Variants in NAV2 observed in about 807,000 individuals in gnomAD.
The protein encoded by NAV2 is helicase, APC down-regulated 1.
NAV2 carries 54 observed loss-of-function variants against 223.2 expected under a neutral mutation model. That is an observed-to-expected ratio of 0.24 (90% confidence interval 0.19 to 0.30). The LOEUF is 0.30. NAV2 is among the 10% of genes least tolerant of loss of function. The pLI is 1.00. For synonymous variants in NAV2, 1,279 were observed against 1,239.3 expected (o/e 1.03, Z -0.67); for missense variants, 2,806 against 3,147.5 (o/e 0.89, Z 2.60).
At chr11:19,774,446 G>T (rs1328894953) in intron 1 of NAV2, among the ~76,000 whole-genome samples, 1 of 152,198 alleles carries the variant, frequency 6.6e-6, no homozygotes, top group African/African-American at 2.4e-5. Context: ...CAAAGTGCTA[G>T]GATTACAGGT....
chr11:20,069,978 G>A (rs1465356128), intron 22 of NAV2, among the ~76,000 whole-genome samples: 1 of 152,106 alleles, frequency 6.6e-6, no homozygotes, highest in East Asian at 1.9e-4. Flanking sequence ...AGTCTCCTAA[G>A]TTCTCTTTCT....
chr11:19,400,649 G>A (rs1204319090), intron 1 of NAV2, among the ~76,000 whole-genome samples: 4 of 152,142 alleles, frequency 2.6e-5, no homozygotes, highest in Admixed American at 6.5e-5. Context: ...TAGAAGGTAA[G>A]AATTAGAATT....
intron 1 of NAV2, among the ~76,000 whole-genome samples, chr11:19,585,701 A>C (rs912318588): frequency 2.6e-5 from 4 of 152,186 alleles, no homozygotes; most frequent in African/African-American, 4.8e-5. Flanking sequence ...ATGTTGAATA[A>C]TTGGCCCCCA....
At chr11:19,498,335 G>A (rs2042862816) in intron 1 of NAV2, among the ~76,000 whole-genome samples, 1 of 152,240 alleles carries the variant, frequency 6.6e-6, no homozygotes, top group African/African-American at 2.4e-5. Context: ...GGAGGGCACA[G>A]TCTTTAGAAA....
intron 10 of NAV2, among the ~76,000 whole-genome samples, chr11:19,957,019 A>T (rs1319082480): frequency 6.6e-6 from 1 of 152,202 alleles, no homozygotes; most frequent in Non-Finnish European, 1.5e-5. Flanking sequence ...AGAAATTCCA[A>T]AGACTTAGGA....
intron 10 of NAV2, among the ~76,000 whole-genome samples, chr11:19,952,151 A>G (rs1011148223): frequency 6.6e-6 from 1 of 152,238 alleles, no homozygotes; most frequent in African/African-American, 2.4e-5. Context: ...TCTTCCTATA[A>G]ACTGGCAAGG....
At chr11:19,505,126 G>A (rs1482989321) in intron 1 of NAV2, 1 of 152,254 alleles carries the variant, frequency 6.6e-6, no homozygotes, top group Non-Finnish European at 1.5e-5. Flanking sequence ...AATTAGAATA[G>A]GATTAGGCCA....
At chr11:19,811,508 TATCCCA>T (rs2058833491) in intron 1 of NAV2, among the ~76,000 whole-genome samples, 1 of 152,182 alleles carries the variant, frequency 6.6e-6, no homozygotes, top group African/African-American at 2.4e-5. Flanking sequence ...ATTAAATGAT[TATCCCA>T]GCTGCCACAC....
chr11:19,799,625 G>C (rs1348222063), intron 1 of NAV2, among the ~76,000 whole-genome samples: 3 of 152,140 alleles, frequency 2.0e-5, no homozygotes, highest in African/African-American at 7.2e-5. Flanking sequence ...CTCCTGGGCA[G>C]CCCTTGAGCT....
chr11:19,696,336 G>A (rs1402506139), intron 1 of NAV2, among the ~76,000 whole-genome samples: 2 of 152,204 alleles, frequency 1.3e-5, no homozygotes, highest in African/African-American at 2.4e-5. Context: ...ACCTGGCATG[G>A]GCCTTGAAAC....
intron 3 of NAV2, among the ~76,000 whole-genome samples, chr11:19,863,669 C>T (rs2061925046): frequency 6.6e-6 from 1 of 152,198 alleles, no homozygotes; most frequent in Non-Finnish European, 1.5e-5. Context: ...CACCCATAGG[C>T]TAGATTAGGT....
chr11:19,773,359 A>C (rs1002564270), intron 1 of NAV2, among the ~76,000 whole-genome samples: 1 of 152,182 alleles, frequency 6.6e-6, no homozygotes, highest in Non-Finnish European at 1.5e-5. Flanking sequence ...CAGGGGCTCC[A>C]CAGTACCAGA....
chr11:19,669,343 C>T (rs189341244), intron 1 of NAV2, among the ~76,000 whole-genome samples: 1 of 152,330 alleles, frequency 6.6e-6, no homozygotes, highest in African/African-American at 2.4e-5. Context: ...TTTCTCATTC[C>T]TTCCTTTCCT....
At chr11:20,082,866 A>G (rs2060176212) in intron 25 of NAV2, 141 bp from the exon 26 acceptor site, 1 of 839,608 alleles carries the variant, frequency 1.2e-6, no homozygotes, top group African/African-American at 1.7e-5. Flanking sequence ...CACTGATTCA[A>G]AAGAGCTCTT....
chr11:19,946,069 C>T (rs1280167514), intron 8 of NAV2, among the ~76,000 whole-genome samples: 1 of 152,174 alleles, frequency 6.6e-6, no homozygotes, highest in Non-Finnish European at 1.5e-5. Flanking sequence ...AAAATGACTA[C>T]CTGGTTGGAC....
rs567850743 is a variant in NAV2, at chr11:20,009,107, T to C, written c.2768+24860T>C. Among the ~76,000 whole-genome samples the C allele has an allele frequency of 9.8e-5, 15 of 152,302 alleles. No individual in the cohort carries two copies. In the East Asian group the frequency reaches 2.9e-3, roughly 29 times the overall value. The stretch of plus-strand genomic sequence containing the variant: ...CCTTGGGCTAGGAATTTGGAATTCC[T>C]GGTCTGTAACGGGGAGAGATGAAGC... On this transcript the variant is annotated intron_variant, in intron 11 of 37. Coordinates refer to ENST00000349880, the MANE Select transcript of NAV2 (RefSeq NM_145117.5).
Position 19,575,551 on chromosome 11 carries a change from A to C in NAV2, c.75+224524A>C, listed in dbSNP as rs533962700. Among the ~76,000 whole-genome samples the C allele has an allele frequency of 5.3e-5, 8 of 152,280 alleles. No individual in the cohort carries two copies. In the South Asian group the frequency reaches 1.0e-3, roughly 20 times the overall value. On this transcript the variant is annotated intron_variant, in intron 1 of 37. Coordinates refer to the NAV2 transcript ENST00000360655. ...GCCTTGTCTCTGTACCCGCAGGAGAAGCTCTACTCATTTTTCCAGACTGTG... is the reference window on the plus strand; with the variant it reads ...GCCTTGTCTCTGTACCCGCAGGAGACGCTCTACTCATTTTTCCAGACTGTG...
chr11:19,399,138 A>G (rs936076992), intron 1 of NAV2, among the ~76,000 whole-genome samples: 2 of 152,208 alleles, frequency 1.3e-5, no homozygotes, highest in Non-Finnish European at 2.9e-5. Context: ...GTTCCACGGC[A>G]CGAGAAAGTG....
rs1223624814 is a variant in NAV2, at chr11:20,118,476, T to A, written c.*218T>A. ...CTTCCACAGCGAGAACTGCACTACC[T>A]TCTGTTGTACTTTAATTATTGTTTT... On this transcript the variant is annotated 3_prime_UTR_variant, in exon 38 of 38. Coordinates refer to ENST00000349880, the MANE Select transcript of NAV2 (RefSeq NM_145117.5). 5.4e-6 allele frequency: 3 copies of A among 550,972 alleles called. No homozygotes were observed. Among genetic ancestry groups the A allele is most frequent in the Non-Finnish European group, 9.7e-6 (3 of 307,964 alleles). 34.1% of individuals were successfully genotyped at this position (550,972 alleles called of 1,614,324 possible).
Sources: gnomAD v4.1 joint callset for allele counts (sites outside exome capture counted in the v4.1 genomes callset) on GRCh38, gnomAD v4.1.1 for gene constraint, MANE v1.5 for transcripts, NCBI Gene and HGNC (gene_info 2026-07-23, HGNC 2026-07-21) for gene names.